Variants in SLC2A12 observed in about 807,000 individuals in gnomAD.
The protein encoded by SLC2A12 is solute carrier family 2 member 12.
In SLC2A12, 23 loss-of-function variants were observed where a neutral mutation model predicts 41.8. That is an observed-to-expected ratio of 0.55 (90% CI 0.40 to 0.78). The LOEUF (loss-of-function observed/expected upper bound fraction) is 0.78, where lower values mean the gene tolerates loss of function less well. Among genes scored for constraint, SLC2A12 ranks in the 30% least tolerant of loss-of-function variants. SLC2A12 has a pLI of 0.00. For synonymous variants in SLC2A12, 295 were observed against 285.9 expected (o/e 1.03, Z -0.32); for missense variants, 654 against 745.6 (o/e 0.88, Z 1.43).
intron 2 of SLC2A12, 73 bp from the exon 3 acceptor site, chr6:134,007,007 C>T: frequency 6.3e-7 from 1 of 1,593,474 alleles, no homozygotes; most frequent in Non-Finnish European, 8.6e-7. Context: ...TGCCAGCACC[C>T]TGATCTCTCC....
rs147234083 is a variant in SLC2A12 at position 134,044,209 on chromosome 6, G to A, written c.103+8169C>T. Among the ~76,000 whole-genome samples, 348 of 152,168 alleles carry A rather than the reference G, an allele frequency of 2.3e-3. 2 individuals carry two copies. The highest frequency in any genetic ancestry group is 7.9e-3 in the African/African-American group (330 of 41,528). ...ACACATAATACATGTATAATATCAA[G>A]CCATCTCCTCCATCAAAGGATTCCT... is the stretch of plus-strand genomic sequence containing the variant. On this transcript the variant is annotated intron_variant, in intron 1 of 4. Coordinates refer to ENST00000275230, the MANE Select transcript of SLC2A12 (RefSeq NM_145176.3).
At chr6:134,039,865 A>ACT (rs1048017538) in intron 1 of SLC2A12, among the ~76,000 whole-genome samples, 1 of 149,638 alleles carries the variant, frequency 6.7e-6, no homozygotes, top group East Asian at 2.0e-4. Flanking sequence ...CCTCCACCCC[A>ACT]CTCTCTCTCT....
chr6:134,022,569 AAAAGAAAAGAAAAGAAAAGAAAAG>A (rs1777059338), intron 2 of SLC2A12, among the ~76,000 whole-genome samples: 1 of 84,830 alleles, frequency 1.2e-5, no homozygotes, highest in Non-Finnish European at 2.2e-5. Context: ...AAAAGAAAAG[AAAAGAAAAGAAAAGAAAAGAAAAG>A]AAAAATGTTG....
intron 3 of SLC2A12, 77 bp from the exon 4 acceptor site, chr6:134,002,206 C>T: frequency 7.0e-7 from 1 of 1,438,344 alleles, no homozygotes; most frequent in East Asian, 2.4e-5. Context: ...CCACTTAGGG[C>T]ATACATAGCA....
chr6:134,012,057 A>G (rs975003902), intron 2 of SLC2A12, among the ~76,000 whole-genome samples: 9 of 152,106 alleles, frequency 5.9e-5, no homozygotes, highest in African/African-American at 1.9e-4. Flanking sequence ...ATAAATAAAT[A>G]ATAAATAAAT....
intron 1 of SLC2A12, among the ~76,000 whole-genome samples, chr6:134,030,487 G>A (rs1048645237): frequency 4.6e-5 from 7 of 152,090 alleles, no homozygotes; most frequent in South Asian, 2.1e-4. Flanking sequence ...TTGTTCTTTC[G>A]TTAATGTTCA....
chr6:134,014,804 G>C (rs768470977), intron 2 of SLC2A12, among the ~76,000 whole-genome samples: 2 of 152,204 alleles, frequency 1.3e-5, no homozygotes, highest in Non-Finnish European at 2.9e-5. Context: ...CGTATTATGT[G>C]AGCAGTTGCC....
chr6:134,051,962 TA>T (rs1466188434), intron 1 of SLC2A12, among the ~76,000 whole-genome samples: 3 of 152,154 alleles, frequency 2.0e-5, no homozygotes, highest in Non-Finnish European at 4.4e-5. Context: ...TTTGTGACAA[TA>T]AATGAAAAAG....
chr6:134,015,315 A>C (rs1776941326), intron 2 of SLC2A12, among the ~76,000 whole-genome samples: 1 of 151,936 alleles, frequency 6.6e-6, no homozygotes, highest in African/African-American at 2.4e-5. Context: ...CTATCGAAGG[A>C]GTGTGTGGGG....
chr6:133,991,617 T>C (rs1329317301), intron 4 of SLC2A12, among the ~76,000 whole-genome samples: 1 of 152,184 alleles, frequency 6.6e-6, no homozygotes, highest in East Asian at 1.9e-4. Context: ...CTTATTTTTT[T>C]CCATTTCTCA....
chr6:134,034,617 G>C (rs945182593), intron 1 of SLC2A12, among the ~76,000 whole-genome samples: 1 of 152,162 alleles, frequency 6.6e-6, no homozygotes, highest in Non-Finnish European at 1.5e-5. Flanking sequence ...CTGGAAAGTA[G>C]AGATACCTTT....
intron 3 of SLC2A12, among the ~76,000 whole-genome samples, 168 bp from the exon 4 acceptor site, chr6:134,002,297 T>A (rs764813455): frequency 3.9e-5 from 6 of 152,120 alleles, no homozygotes; most frequent in Non-Finnish European, 8.8e-5. Context: ...TCTGAAGGTG[T>A]TACTTTTACA....
intron 4 of SLC2A12, among the ~76,000 whole-genome samples, chr6:133,994,400 TA>T (rs1239039908): frequency 6.6e-6 from 1 of 152,108 alleles, no homozygotes; most frequent in African/African-American, 2.4e-5. Context: ...GCTAGAGACA[TA>T]AATTTCAGAC....
intron 1 of SLC2A12, among the ~76,000 whole-genome samples, chr6:134,032,074 A>G (rs554513658): frequency 6.6e-6 from 1 of 152,084 alleles, no homozygotes; most frequent in African/African-American, 2.4e-5. Flanking sequence ...GGGGGAGGGT[A>G]TAGTTAAAAA....
chr6:134,026,011 C>G (rs1401087501), intron 2 of SLC2A12, among the ~76,000 whole-genome samples: 2 of 152,218 alleles, frequency 1.3e-5, no homozygotes, highest in Non-Finnish European at 2.9e-5. Flanking sequence ...TGAAAGGACT[C>G]TAACCATGAG....
At chr6:133,992,912 A>G (rs1030180077) in intron 4 of SLC2A12, among the ~76,000 whole-genome samples, 1 of 152,132 alleles carries the variant, frequency 6.6e-6, no homozygotes, top group Non-Finnish European at 1.5e-5. Context: ...TCACAGCAAA[A>G]TTGATGTAAG....
chr6:133,994,551 C>A (rs1776660516), intron 4 of SLC2A12, among the ~76,000 whole-genome samples: 1 of 152,056 alleles, frequency 6.6e-6, no homozygotes, highest in Admixed American at 6.5e-5. Flanking sequence ...CATGGTGAAA[C>A]CCCGTCTCTA....
At chr6:134,017,278 T>A (rs1415786191) in intron 2 of SLC2A12, among the ~76,000 whole-genome samples, 1 of 152,176 alleles carries the variant, frequency 6.6e-6, no homozygotes, top group Non-Finnish European at 1.5e-5. Flanking sequence ...CAAATGTGTG[T>A]GAGGTTCCAC....
At chr6:134,037,373 T>A (rs1777317388) in intron 1 of SLC2A12, among the ~76,000 whole-genome samples, 4 of 151,466 alleles carry the variant, frequency 2.6e-5, no homozygotes, top group Admixed American at 2.6e-4. Flanking sequence ...TTTTTGTTTT[T>A]TTTTTCAGAC....
Sources: allele counts gnomAD v4.1 joint callset (sites outside exome capture counted in the v4.1 genomes callset), GRCh38; gene constraint gnomAD v4.1.1; transcripts MANE v1.5; gene names NCBI Gene and HGNC (gene_info 2026-07-23, HGNC 2026-07-21).